THBS2: variants seen among roughly 807,000 people sequenced by gnomAD.
THBS2 encodes thrombospondin-2.
Under a neutral mutation model 135.2 loss-of-function variants are expected in THBS2, and 47 were observed. The ratio of observed to expected loss-of-function variants is 0.35; its 90% CI spans 0.28 to 0.44. The LOEUF (loss-of-function observed/expected upper bound fraction) is 0.44. Ranked by LOEUF, THBS2 falls within the 20% of genes least tolerant of loss-of-function variation. THBS2 has a pLI of 1.00. For synonymous variants in THBS2, 639 were observed against 633.8 expected (o/e 1.01, Z -0.12); for missense variants, 1,288 against 1,603.1 (o/e 0.80, Z 3.36).
chr6:169,244,908 C>T (rs535062281), intron 4 of THBS2, among the ~76,000 whole-genome samples: 1 of 152,204 alleles, frequency 6.6e-6, no homozygotes, highest in Non-Finnish European at 1.5e-5. Flanking sequence ...TCCTTGTTCT[C>T]CTTCCTCACA....
chr6:169,240,467 G>A lies in THBS2; in HGVS notation c.1017C>T (p.Thr339=). Residue 339 remains threonine (T), a synonymous_variant, in exon 6 of 22, where the codon ACC becomes ACT. Coordinates refer to ENST00000617924, the MANE Select transcript of THBS2 (RefSeq NM_003247.5). ...GGGGCCTCACCTTGCAGGTACACGT[G>A]GTGCAGCTGTCCACCACCCACGTTT... ...ENETWVVDSC[T]TCTCKKFKTI... is the part of the protein sequence containing the mutation. 1 of 1,613,626 alleles carries A rather than the reference G, an allele frequency of 6.2e-7. No homozygotes were observed. The highest frequency in any genetic ancestry group is 8.5e-7 in the Non-Finnish European group (1 of 1,179,986).
In THBS2 at chr6:169,240,984, G is replaced by A. The variant is rs560434782; in HGVS notation, c.892-392C>T. ...GGGATACAGCCAAGCTCCTGCCCTC[G>A]CCACCCTCCCTGCCCCGGTCTCCTG... is the stretch of plus-strand genomic sequence containing the variant. On this transcript the variant is annotated intron_variant, in intron 5 of 21. Transcript: ENST00000617924. 8.7e-5 allele frequency among the ~76,000 whole-genome samples: 13 copies of A among 150,054 alleles called. No homozygotes were observed. The South Asian group carries it at 1.7e-3, about 19-fold the overall frequency.
chr6:169,240,736 C>T (rs1355968955), intron 5 of THBS2, 144 bp from the exon 6 acceptor site: 19 of 1,107,002 alleles, frequency 1.7e-5, no homozygotes, highest in Middle Eastern at 6.0e-4. Flanking sequence ...GTGGAAGTTC[C>T]GGAAGTTGTC....
chr6:169,236,789 C>A (rs1223411740), intron 9 of THBS2, among the ~76,000 whole-genome samples: 1 of 148,860 alleles, frequency 6.7e-6, no homozygotes, highest in Non-Finnish European at 1.5e-5. Flanking sequence ...CACTCACTCC[C>A]GTCCGCACTC....
rs186565772 is a variant in THBS2, at chr6:169,220,487, C to G, written c.3372-150G>C. 205 of 976,110 alleles carry G rather than the reference C, an allele frequency of 2.1e-4. No homozygotes were observed. The East Asian group carries it at 4.0e-3, about 19-fold the overall frequency. 60.5% of individuals were successfully genotyped at this position (976,110 alleles called of 1,614,324 possible). Reference sequence around the variant, plus strand: ...CCCCAGGGGGCATTGCTGGCTTTCTCCTTTGGAGCTCCAGCCACCCCTGGT... The same window carrying G: ...CCCCAGGGGGCATTGCTGGCTTTCTGCTTTGGAGCTCCAGCCACCCCTGGT... On this transcript the variant is annotated intron_variant, in intron 20 of 21. Transcript: ENST00000617924.
At chr6:169,247,305 C>T (rs996497961) in intron 3 of THBS2, among the ~76,000 whole-genome samples, 4 of 152,142 alleles carry the variant, frequency 2.6e-5, no homozygotes, top group African/African-American at 7.2e-5. Flanking sequence ...TGTGAAAGTA[C>T]GTATGTGCTG....
At position 169,241,314 on chromosome 6, in the gene THBS2, T is replaced by C. The variant is rs1360497162; in HGVS notation, c.891+448A>G. On this transcript the variant is annotated intron_variant, in intron 5 of 21. Coordinates refer to ENST00000617924, the MANE Select transcript of THBS2 (RefSeq NM_003247.5). This position sits in a 1 kb window ranked among gnomAD's most constrained non-coding sequence, Gnocchi z 5.5. The stretch of plus-strand genomic sequence containing the variant: ...GCTGTGCCGCTCAAACCCATTTCAC[T>C]CCTGCCAGCCTCACAGGAACTTCCC... 1.1e-4 allele frequency among the ~76,000 whole-genome samples: 17 copies of C among 152,128 alleles called. No individual in the cohort carries two copies. Among genetic ancestry groups the C allele is most frequent in the Admixed American group, 1.1e-3 (17 of 15,276 alleles).
chr6:169,251,271 C>CA (rs1243976167), intron 1 of THBS2, among the ~76,000 whole-genome samples: 4 of 151,970 alleles, frequency 2.6e-5, no homozygotes, highest in Admixed American at 2.0e-4. Flanking sequence ...AAATATCCAG[C>CA]AAAAAACAGT....
Position 169,249,420 on chromosome 6 carries a change from G to A in THBS2, c.53-447C>T, listed in dbSNP as rs190572868. Among the ~76,000 whole-genome samples, 4 of 152,168 alleles carry A rather than the reference G, an allele frequency of 2.6e-5. 1 individual carries two copies. The highest frequency in any genetic ancestry group is 1.3e-4 in the Admixed American group (2 of 15,280). On this transcript the variant is annotated intron_variant, in intron 2 of 21. Coordinates refer to ENST00000617924, the MANE Select transcript of THBS2 (RefSeq NM_003247.5). Reference sequence around the variant, plus strand: ...TCTGAGGCTGAAAAGCAGCCATCCTGTCTACCAGTTGATTGCTCAGGAAAA... The same window carrying A: ...TCTGAGGCTGAAAAGCAGCCATCCTATCTACCAGTTGATTGCTCAGGAAAA...
chr6:169,249,522 A>T (rs1780684864), intron 2 of THBS2, among the ~76,000 whole-genome samples: 2 of 152,352 alleles, frequency 1.3e-5, no homozygotes, highest in Middle Eastern at 3.4e-3. Context: ...AAGCGGCTAA[A>T]TCGTATGTTG....
chr6:169,246,721 G>A (rs528942918), intron 3 of THBS2, among the ~76,000 whole-genome samples: 8 of 152,156 alleles, frequency 5.3e-5, no homozygotes, highest in South Asian at 2.1e-4. Context: ...CTGCAGGAGC[G>A]CCTTCCGCAG....
chr6:169,221,063 G>T (rs1003354483), intron 20 of THBS2, among the ~76,000 whole-genome samples: 1 of 152,186 alleles, frequency 6.6e-6, no homozygotes, highest in African/African-American at 2.4e-5. Flanking sequence ...TCATACAACC[G>T]TGTTTTAAAT....
chr6:169,232,254 G>A (rs1583410889), intron 12 of THBS2, 56 bp from the exon 13 acceptor site: 4 of 1,587,214 alleles, frequency 2.5e-6, no homozygotes, highest in East Asian at 2.2e-5. Flanking sequence ...CTCCGGAGGC[G>A]TCGAGGCGGG....
intron 20 of THBS2, 33 bp downstream of exon 20, chr6:169,221,397 G>T: frequency 6.3e-7 from 1 of 1,593,328 alleles, no homozygotes; most frequent in Non-Finnish European, 8.6e-7. Flanking sequence ...GAAGCCCCTT[G>T]GAAGAAATGC....
chr6:169,238,891 G>A (rs1020267482), intron 7 of THBS2, among the ~76,000 whole-genome samples: 1 of 152,144 alleles, frequency 6.6e-6, no homozygotes, highest in African/African-American at 2.4e-5. Flanking sequence ...CAGCAACTTG[G>A]GGTGTAGACC....
intron 6 of THBS2, among the ~76,000 whole-genome samples, chr6:169,240,249 G>T (rs777365155): frequency 3.9e-5 from 6 of 152,260 alleles, no homozygotes; most frequent in South Asian, 4.1e-4. Flanking sequence ...TCTGGGCTCT[G>T]GTTCTTTATG....
In THBS2 at chr6:169,237,761, T is replaced by C; in HGVS notation, c.1164A>G (p.Ala388=). 1 of 1,611,804 alleles carries C rather than the reference T, an allele frequency of 6.2e-7. No individual in the cohort carries two copies. The stretch of plus-strand genomic sequence containing the variant: ...ACGTCACGGAGCACTGGGTCCACTC[T>C]GCCCACGGAGACCAGCCCTCCTCAC... ...VDGEEGWSPW[A]EWTQCSVTCG... The change falls in exon 8 of 22, where the codon GCA becomes GCG. Residue 388 remains alanine (A), a synonymous_variant. Coordinates refer to ENST00000617924, the MANE Select transcript of THBS2 (RefSeq NM_003247.5).
In THBS2 at chr6:169,232,934, C is replaced by G; in HGVS notation, c.1735G>C (p.Val579Leu). Residue 579 changes from valine (V) to leucine (L), a missense_variant, in exon 11 of 22, where the codon GTG becomes CTG. Val to Leu is a conservative substitution (Grantham distance 32, BLOSUM62 1). Transcript: ENST00000617924. Reference protein sequence around the residue: ...DGSWSCGSCPVGFLGNGTHCE... With the variant: ...DGSWSCGSCPLGFLGNGTHCE... The stretch of plus-strand genomic sequence containing the variant: ...TGGGTGCCATTGCCCAAGAAGCCCA[C>G]AGGGCAGGAGCCGCATGACCAGGAC... 1 of 1,576,510 alleles carries G rather than the reference C, an allele frequency of 6.3e-7. No individual in the cohort carries two copies.
At position 169,248,860 on chromosome 6, in the gene THBS2, G is replaced by A. The variant is rs751099158; in HGVS notation, c.166C>T (p.Arg56Cys). The A allele has an allele frequency of 1.2e-6, 2 of 1,612,100 alleles. No homozygotes were observed. Among genetic ancestry groups the A allele is most frequent in the East Asian group, 2.2e-5 (1 of 44,826 alleles). ...GGGATGTAGTCAAAGCGCACGAAGC[G>A]GTAAGCCGGCACGCCGGGGTCGGGC... Reference protein sequence around the residue: ...RGPDPGVPAYRFVRFDYIPPV... With the variant: ...RGPDPGVPAYCFVRFDYIPPV... The change falls in exon 3 of 22, where the codon CGC becomes TGC. Residue 56 changes from arginine to cysteine, a missense_variant. Transcript: ENST00000617924.
Sources: allele counts gnomAD v4.1 joint callset (sites outside exome capture counted in the v4.1 genomes callset), GRCh38; gene constraint gnomAD v4.1.1; non-coding constraint Gnocchi (gnomAD v3.1); transcripts MANE v1.5; gene names NCBI Gene and HGNC (gene_info 2026-07-23, HGNC 2026-07-21).